L2HGDH: variants seen among roughly 807,000 people sequenced by gnomAD.
L2HGDH encodes L-2-hydroxyglutarate dehydrogenase, mitochondrial.
A neutral mutation model predicts 51.5 loss-of-function variants in L2HGDH; 34 were observed. That is an observed-to-expected ratio of 0.66 (90% CI 0.50 to 0.88). The LOEUF (loss-of-function observed/expected upper bound fraction) is 0.88, where lower values mean the gene tolerates loss of function less well. L2HGDH is among the 40% of genes least tolerant of loss of function. The pLI is 0.00. For synonymous variants in L2HGDH, 198 were observed against 197.9 expected, an observed-to-expected ratio of 1.00 and a Z score of -0.01; for missense variants, 558 against 571.9, an observed-to-expected ratio of 0.98 and a Z score of 0.25.
intron 9 of L2HGDH, among the ~76,000 whole-genome samples, chr14:50,262,757 G>A (rs1483657766): frequency 6.6e-6 from 1 of 151,472 alleles, no homozygotes; most frequent in African/African-American, 2.4e-5. Flanking sequence ...ATCTTCCCCC[G>A]AGAAACCCAA....
intron 3 of L2HGDH, among the ~76,000 whole-genome samples, chr14:50,301,301 T>A (rs530094235): frequency 1.3e-5 from 2 of 152,144 alleles, no homozygotes; most frequent in South Asian, 4.1e-4. Flanking sequence ...ACCCTGACAA[T>A]CCAGCAATTC....
In L2HGDH at chr14:50,243,861, T is replaced by A. The variant is rs1887895668; in HGVS notation, c.*3197A>T. ...CCCCACCCCACAACAGTCCCCAGAG[T>A]GTGATGTTCCCCTTCCTGTGTCCAT... On this transcript the variant is annotated 3_prime_UTR_variant, in exon 10 of 10. Coordinates refer to ENST00000267436, the MANE Select transcript of L2HGDH (RefSeq NM_024884.3). 8.8e-6 allele frequency: 1 copy of A among 113,660 alleles called. No individual in the cohort carries two copies. The highest frequency in any genetic ancestry group is 1.7e-5 in the Non-Finnish European group (1 of 59,102). 7.0% of individuals were successfully genotyped at this position (113,660 alleles called of 1,614,324 possible). A position where few individuals can be genotyped will look rare whatever the true frequency, so the allele number is the denominator to read the frequency against.
At chr14:50,310,098 A>T (rs2030998106) in intron 1 of L2HGDH, among the ~76,000 whole-genome samples, 1 of 152,170 alleles carries the variant, frequency 6.6e-6, no homozygotes, top group East Asian at 1.9e-4. Flanking sequence ...TGTAAAACTG[A>T]TGAAAGCTGA....
intron 6 of L2HGDH, among the ~76,000 whole-genome samples, chr14:50,275,461 A>C (rs1206098070): frequency 6.6e-6 from 1 of 152,214 alleles, no homozygotes; most frequent in Admixed American, 6.5e-5. Flanking sequence ...GCTTCTGCCA[A>C]AGCCACCATG....
At chr14:50,264,882 T>C (rs8007752) in intron 9 of L2HGDH, among the ~76,000 whole-genome samples, 1,546 of 152,150 alleles carry the variant, frequency 0.01, 22 homozygotes, top group African/African-American at 0.035. Flanking sequence ...TAAAAGGTTT[T>C]TTTTAAGTTT....
At chr14:50,270,639 CG>C (rs1889624123) in intron 6 of L2HGDH, among the ~76,000 whole-genome samples, 1 of 151,996 alleles carries the variant, frequency 6.6e-6, no homozygotes, top group Admixed American at 6.6e-5. Context: ...TCCGAGTAGC[CG>C]GAACTACAGG....
intron 9 of L2HGDH, among the ~76,000 whole-genome samples, chr14:50,255,537 C>A (rs377016556): frequency 8.3e-4 from 95 of 114,740 alleles, no homozygotes; most frequent in South Asian, 1.2e-3. Flanking sequence ...ACTCCATCTC[C>A]AAAAAAAAAA....
At chr14:50,260,457 T>C (rs1167676734) in intron 9 of L2HGDH, among the ~76,000 whole-genome samples, 1 of 152,232 alleles carries the variant, frequency 6.6e-6, no homozygotes, top group Non-Finnish European at 1.5e-5. Context: ...ATTTTATACG[T>C]TGAGTCACAC....
At position 50,267,887 on chromosome 14, in the gene L2HGDH, GA is replaced by G; in HGVS notation, c.929del (p.Phe310SerfsTer2). 6.2e-7 allele frequency: 1 copy of G among 1,614,060 alleles called. No homozygotes were observed. Among genetic ancestry groups the G allele is most frequent in the Non-Finnish European group, 8.5e-7 (1 of 1,179,968 alleles). ...TCCTTGGTGTGAAGTGAACTCCTAG[GA>G]AAGGAAACCGGCTATCTGGGACCTA... ...IYPVPDSRFP[F>X]LGVHFTPRMD... On this transcript the variant is annotated frameshift_variant, in exon 8 of 10. Transcript: ENST00000267436. LOFTEE classifies it high-confidence loss of function.
At chr14:50,291,910 G>T (rs1400442344) in intron 4 of L2HGDH, among the ~76,000 whole-genome samples, 1 of 152,086 alleles carries the variant, frequency 6.6e-6, no homozygotes, top group African/African-American at 2.4e-5. Flanking sequence ...GGTATAAAAA[G>T]TCCAAAAGAA....
chr14:50,298,347 C>T (rs1006130823), intron 3 of L2HGDH, among the ~76,000 whole-genome samples: 2 of 151,448 alleles, frequency 1.3e-5, no homozygotes, highest in African/African-American at 4.8e-5. Flanking sequence ...CAGAGTTTCG[C>T]TCTTGTTGCC....
intron 6 of L2HGDH, among the ~76,000 whole-genome samples, chr14:50,270,494 TG>T (rs1889609854): frequency 2.9e-5 from 1 of 34,508 alleles, no homozygotes; most frequent in African/African-American, 8.2e-5. Context: ...CTTACTGTTT[TG>T]TTGTTGTTGT....
In L2HGDH at chr14:50,249,640, A is replaced by G. The variant is rs557989754; in HGVS notation, c.1197-2387T>C. On this transcript the variant is annotated intron_variant, in intron 9 of 9. Transcript: ENST00000267436. ...ACTAAAGAGCCCTTGGGCCCTGAAT[A>G]ACCAGCAGCGATACCCAAGGAGTGC... Among the ~76,000 whole-genome samples, 3 of 151,946 alleles carry G rather than the reference A, an allele frequency of 2.0e-5. No homozygotes were observed. In the South Asian group the frequency reaches 6.3e-4, roughly 32 times the overall value.
chr14:50,263,298 G>A (rs555740634), intron 9 of L2HGDH, among the ~76,000 whole-genome samples: 2 of 152,328 alleles, frequency 1.3e-5, no homozygotes, highest in East Asian at 1.9e-4. Context: ...TTATAAGTGA[G>A]TGAAAGAAAA....
intron 6 of L2HGDH, among the ~76,000 whole-genome samples, chr14:50,271,167 C>G (rs1889665149): frequency 6.6e-6 from 1 of 152,188 alleles, no homozygotes. Context: ...ATAACTTCTT[C>G]TAAATAGGTT....
chr14:50,310,855 TCCA>T (rs1474094443), intron 1 of L2HGDH, among the ~76,000 whole-genome samples: 2 of 151,414 alleles, frequency 1.3e-5, no homozygotes, highest in African/African-American at 4.8e-5. Flanking sequence ...ACTCCCCCTA[TCCA>T]CCAACACGCA....
chr14:50,293,664 C>A (rs76346958), intron 4 of L2HGDH, among the ~76,000 whole-genome samples: 4,804 of 152,224 alleles, frequency 0.032, 244 homozygotes, highest in African/African-American at 0.11. Flanking sequence ...CCAGCCTTAT[C>A]CGCCTATCGT....
chr14:50,288,265 G>A (rs994561075), intron 4 of L2HGDH, among the ~76,000 whole-genome samples: 8 of 152,148 alleles, frequency 5.3e-5, no homozygotes, highest in African/African-American at 1.2e-4. Flanking sequence ...GTTTAATAAC[G>A]TGTATAGGAA....
chr14:50,262,086 T>C (rs1231399930), intron 9 of L2HGDH, among the ~76,000 whole-genome samples: 5 of 152,212 alleles, frequency 3.3e-5, no homozygotes. Flanking sequence ...TTTAGTATAC[T>C]GGTTGCAAGA....
Sources: gnomAD v4.1 joint callset for allele counts (sites outside exome capture counted in the v4.1 genomes callset) on GRCh38, gnomAD v4.1.1 for gene constraint, MANE v1.5 for transcripts, NCBI Gene and HGNC (gene_info 2026-07-23, HGNC 2026-07-21) for gene names.